OSBP2: variants seen among roughly 807,000 people sequenced by gnomAD.
The protein encoded by OSBP2 is oxysterol binding protein 2, also known as oxysterol-binding protein 2.
Under a neutral mutation model 96.0 loss-of-function variants are expected in OSBP2, and 66 were observed. The ratio of observed to expected loss-of-function variants is 0.69; its 90% confidence interval spans 0.56 to 0.84. The LOEUF (loss-of-function observed/expected upper bound fraction) is 0.84, where lower values mean the gene tolerates loss of function less well. Ranked by LOEUF, OSBP2 falls within the 40% of genes least tolerant of loss-of-function variation. The pLI is 0.00. For synonymous variants in OSBP2, 525 were observed against 520.9 expected (o/e 1.01, Z -0.11); for missense variants, 1,038 against 1,222.7 (o/e 0.85, Z 2.25).
intron 2 of OSBP2, among the ~76,000 whole-genome samples, chr22:30,778,170 CTT>C (rs71202014): frequency 1.8e-4 from 12 of 67,006 alleles, no homozygotes; most frequent in Admixed American, 4.5e-4. Flanking sequence ...AATTTTTGCC[CTT>C]TTTTTTTTTT....
intron 2 of OSBP2, among the ~76,000 whole-genome samples, chr22:30,771,110 G>T (rs2090341890): frequency 6.6e-6 from 1 of 152,214 alleles, no homozygotes; most frequent in African/African-American, 2.4e-5. Flanking sequence ...CCTGAGACTT[G>T]GTCTCTTCCA....
At chr22:30,823,461 G>A (rs183439544) in intron 2 of OSBP2, among the ~76,000 whole-genome samples, 5 of 152,204 alleles carry the variant, frequency 3.3e-5, no homozygotes, top group Non-Finnish European at 5.9e-5. Context: ...TAACCTTGTG[G>A]ACTTAAAAGA....
chr22:30,786,615 G>C (rs944492705), intron 2 of OSBP2, among the ~76,000 whole-genome samples: 34 of 151,438 alleles, frequency 2.2e-4, no homozygotes, highest in African/African-American at 8.3e-4. Context: ...GAATTCACTT[G>C]TTGAAGATAG....
Position 30,881,740 on chromosome 22 carries a change from G to T in OSBP2, c.1108-5686G>T. The T allele has an allele frequency of 7.7e-7, 1 of 1,304,196 alleles. No individual in the cohort carries two copies. The highest frequency in any genetic ancestry group is 1.0e-6 in the Non-Finnish European group (1 of 988,930). The allele number at this position is 1,304,196 out of a possible 1,614,324, so 80.8% of individuals were successfully genotyped here. ...CTGCCTCTCCCCACAGCACAGCCAGGATGGGGCCTGGAGAAGGCCGGCAGC... is the reference window on the plus strand; with the variant it reads ...CTGCCTCTCCCCACAGCACAGCCAGTATGGGGCCTGGAGAAGGCCGGCAGC... On this transcript the variant is annotated intron_variant, in intron 3 of 13. Coordinates refer to ENST00000332585, the MANE Select transcript of OSBP2 (RefSeq NM_030758.4). This position sits in a 1 kb window ranked among gnomAD's most constrained non-coding sequence, Gnocchi z 4.5.
At chr22:30,861,063 G>T (rs2039201457) in intron 2 of OSBP2, among the ~76,000 whole-genome samples, 2 of 152,120 alleles carry the variant, frequency 1.3e-5, no homozygotes, top group Admixed American at 6.5e-5. Context: ...CATGTGCCCT[G>T]GTTCCCCCAG....
intron 1 of OSBP2, among the ~76,000 whole-genome samples, chr22:30,702,352 G>T (rs1201245095): frequency 6.6e-6 from 1 of 152,192 alleles, no homozygotes; most frequent in Non-Finnish European, 1.5e-5. Context: ...GGTGGCTCAC[G>T]CCTGTAATCC....
chr22:30,774,296 C>T (rs1015531515), intron 2 of OSBP2, among the ~76,000 whole-genome samples: 12 of 152,140 alleles, frequency 7.9e-5, no homozygotes, highest in African/African-American at 1.7e-4. Context: ...TGTGTGCTGG[C>T]GAAAGCCTTG....
chr22:30,730,716 G>GTCTCACTCTCTC (rs2089736933), intron 1 of OSBP2, among the ~76,000 whole-genome samples: 1 of 19,962 alleles, frequency 5.0e-5, no homozygotes, highest in African/African-American at 2.1e-4. Flanking sequence ...TCGCTGCCCT[G>GTCTCACTCTCTC]TCTCTCTCTC....
Position 30,870,632 on chromosome 22 carries a change from G to A in OSBP2, c.1057G>A (p.Val353Met), listed in dbSNP as rs1239455412. 2 of 1,613,902 alleles carry A rather than the reference G, an allele frequency of 1.2e-6. No homozygotes were observed. Among genetic ancestry groups the A allele is most frequent in the Non-Finnish European group, 1.7e-6 (2 of 1,180,038 alleles). Residue 353 changes from valine to methionine, a missense_variant, in exon 3 of 14, where the codon GTG becomes ATG. Coordinates refer to ENST00000332585, the MANE Select transcript of OSBP2 (RefSeq NM_030758.4). The surrounding 1 kb of genome is among the most constrained non-coding windows in gnomAD (Gnocchi z 4.1). ...TGAGAGTGGGGAGAAGCTGAAGGTG[G>A]TGAATGAGCGGGCCACCCTCTTCCG... ...PSESGEKLKV[V>M]NERATLFRIT...
chr22:30,865,122 G>A (rs568646902), intron 2 of OSBP2, among the ~76,000 whole-genome samples: 45 of 152,268 alleles, frequency 3.0e-4, no homozygotes, highest in African/African-American at 9.4e-4. Flanking sequence ...GCTCCCCTGC[G>A]CTAGATGATT....
chr22:30,738,322 A>G (rs1328144284), intron 1 of OSBP2, among the ~76,000 whole-genome samples: 1 of 151,986 alleles, frequency 6.6e-6, no homozygotes, highest in Admixed American at 6.6e-5. Flanking sequence ...GTGAGTCACT[A>G]CACTTACACC....
At chr22:30,694,319 C>T, upstream of OSBP2, 1 of 1,548,228 alleles carries the variant, frequency 6.5e-7, no homozygotes, top group Non-Finnish European at 8.7e-7. Flanking sequence ...CCGCTTCTGG[C>T]GGCCGCAGGA....
chr22:30,708,478 ATTTTTTTTTT>A (rs56361178), intron 1 of OSBP2, among the ~76,000 whole-genome samples: 17 of 63,456 alleles, frequency 2.7e-4, no homozygotes, highest in Non-Finnish European at 3.2e-4. Flanking sequence ...AAGGATAAGG[ATTTTTTTTTT>A]TTTTTTTTTT....
intron 12 of OSBP2, 129 bp downstream of exon 12, chr22:30,894,130 G>T: frequency 1.4e-6 from 1 of 699,758 alleles, no homozygotes; most frequent in Non-Finnish European, 2.4e-6. Context: ...ACAGTATTAT[G>T]CAGCCGACAT....
intron 2 of OSBP2, among the ~76,000 whole-genome samples, chr22:30,811,065 A>G (rs541198723): frequency 1.2e-3 from 178 of 151,600 alleles, no homozygotes; most frequent in African/African-American, 4.2e-3. Flanking sequence ...ACCCCTCCCC[A>G]TCTCACTCAT....
chr22:30,882,582 T>G, intron 3 of OSBP2, among the ~76,000 whole-genome samples: 1 of 149,320 alleles, frequency 6.7e-6, no homozygotes. Context: ...GCCCGCGGTG[T>G]GAGGGAGGTG....
intron 1 of OSBP2, among the ~76,000 whole-genome samples, chr22:30,718,729 C>T (rs1161273753): frequency 6.6e-6 from 1 of 152,166 alleles, no homozygotes; most frequent in African/African-American, 2.4e-5. Flanking sequence ...TGACAACATC[C>T]GGGTGCTTGT....
chr22:30,771,242 A>G (rs901998308), intron 2 of OSBP2, among the ~76,000 whole-genome samples: 1 of 152,142 alleles, frequency 6.6e-6, no homozygotes, highest in African/African-American at 2.4e-5. Flanking sequence ...CAGGCCAAGG[A>G]ACCATGGTGG....
intron 2 of OSBP2, among the ~76,000 whole-genome samples, chr22:30,762,849 G>T (rs1044934940): frequency 6.6e-6 from 1 of 152,196 alleles, no homozygotes; most frequent in Non-Finnish European, 1.5e-5. Context: ...GCATGGTAGC[G>T]TAGCAGTTAG....
Sources: allele counts gnomAD v4.1 joint callset (sites outside exome capture counted in the v4.1 genomes callset), GRCh38; gene constraint gnomAD v4.1.1; non-coding constraint Gnocchi (gnomAD v3.1); transcripts MANE v1.5; gene names NCBI Gene and HGNC (gene_info 2026-07-23, HGNC 2026-07-21).